PUM2: variants seen among roughly 807,000 people sequenced by gnomAD.
The protein encoded by PUM2 is pumilio RNA binding family member 2, also known as pumilio homolog 2.
A neutral mutation model predicts 124.5 loss-of-function variants in PUM2; 57 were observed. The observed-to-expected ratio is 0.46, with a 90% CI of 0.37 to 0.57. The LOEUF is 0.57. Among genes scored for constraint, PUM2 ranks in the 20% least tolerant of loss-of-function variants. PUM2 has a pLI of 0.00. For synonymous variants in PUM2, 460 were observed against 446.1 expected (o/e 1.03, Z -0.39); for missense variants, 1,065 against 1,290.6 (o/e 0.83, Z 2.68).
chr2:20,351,969 A>C (rs971654745), upstream of PUM2, among the ~76,000 whole-genome samples: 1 of 152,186 alleles, frequency 6.6e-6, no homozygotes. Flanking sequence ...CTCATATTTC[A>C]GGCTTCTAGA....
At chr2:20,259,061 T>C (rs1036026129) in intron 15 of PUM2, among the ~76,000 whole-genome samples, 2 of 152,166 alleles carry the variant, frequency 1.3e-5, no homozygotes, top group African/African-American at 2.4e-5. Context: ...TCTGATATGA[T>C]TGAGGAAAAA....
chr2:20,256,007 A>G, intron 17 of PUM2, 26 bp downstream of exon 17: 1 of 1,510,560 alleles, frequency 6.6e-7, no homozygotes, highest in South Asian at 1.3e-5. Context: ...CCTGCTAACA[A>G]ATTATAAGCC....
intron 20 of PUM2, 35 bp from the exon 21 acceptor site, chr2:20,251,751 T>C (rs1663400339): frequency 6.9e-6 from 11 of 1,599,904 alleles, no homozygotes; most frequent in Non-Finnish European, 9.4e-6. Context: ...AAAATCTAAG[T>C]CATTTTAGTT....
chr2:20,330,859 G>T lies in PUM2; in HGVS notation c.-18-3481C>A, dbSNP rs576262567. ...TGGCCCAAGCCCTCAATCTGTGTGT[G>T]AGAGCTGATGCTCTCTCCAGGGAGA... is the stretch of plus-strand genomic sequence containing the variant. On this transcript the variant is annotated intron_variant, in intron 1 of 20. Transcript: ENST00000361078. 1.8e-4 allele frequency among the ~76,000 whole-genome samples: 27 copies of T among 152,316 alleles called. No individual in the cohort carries two copies. The South Asian group carries it at 5.4e-3, about 30-fold the overall frequency.
intron 1 of PUM2, among the ~76,000 whole-genome samples, chr2:20,349,147 CAAATT>C (rs1447176686): frequency 6.6e-6 from 1 of 152,128 alleles, no homozygotes; most frequent in Non-Finnish European, 1.5e-5. Context: ...ACTTTGGACT[CAAATT>C]AAGGAAAGCA....
In PUM2 at chr2:20,253,882, G is replaced by A. The variant is rs1384168694; in HGVS notation, c.3003C>T (p.Tyr1001=). Residue 1001 remains tyrosine, a synonymous_variant, in exon 20 of 21, where the codon TAC becomes TAT. Coordinates refer to ENST00000361078, the MANE Select transcript of PUM2 (RefSeq NM_015317.5). ...YTMMKDQYAN[Y]VVQKMIDMAE... is the part of the protein sequence containing the mutation. ...CCATATCAATCATCTTTTGAACCAC[G>A]TAATTGGCATACTGGTCCTTCATCA... is the stretch of plus-strand genomic sequence containing the variant. 1.2e-5 allele frequency: 19 copies of A among 1,613,804 alleles called. No individual in the cohort carries two copies. Among genetic ancestry groups the A allele is most frequent in the South Asian group, 3.3e-5 (3 of 91,076 alleles).
chr2:20,251,905 T>TTC (rs1663455290), intron 20 of PUM2, among the ~76,000 whole-genome samples, 189 bp from the exon 21 acceptor site: 1 of 152,186 alleles, frequency 6.6e-6, no homozygotes, highest in Non-Finnish European at 1.5e-5. Context: ...TTCTCGAAAT[T>TTC]GTTCAATGAA....
intron 7 of PUM2, among the ~76,000 whole-genome samples, chr2:20,303,292 T>C (rs759437044): frequency 6.6e-6 from 1 of 152,152 alleles, no homozygotes; most frequent in Non-Finnish European, 1.5e-5. Context: ...TAGTTTTCCA[T>C]TAATTTTCTG....
intron 15 of PUM2, 121 bp from the exon 16 acceptor site, chr2:20,258,492 G>C (rs980163939): frequency 6.9e-6 from 6 of 875,770 alleles, no homozygotes; most frequent in Non-Finnish European, 1.0e-5. Flanking sequence ...GGGGCTTTAA[G>C]GTAGAAGCTA....
At chr2:20,259,079 A>T (rs897497634) in intron 15 of PUM2, among the ~76,000 whole-genome samples, 4 of 152,212 alleles carry the variant, frequency 2.6e-5, no homozygotes, top group Non-Finnish European at 5.9e-5. Flanking sequence ...AAAACTGTTA[A>T]AGTCATTAAG....
chr2:20,302,329 T>C (rs751478530), intron 7 of PUM2, among the ~76,000 whole-genome samples: 1 of 152,236 alleles, frequency 6.6e-6, no homozygotes, highest in African/African-American at 2.4e-5. Flanking sequence ...AAACAGGACA[T>C]TATCAAACAT....
At chr2:20,349,574 C>G (rs1227892848) in intron 1 of PUM2, among the ~76,000 whole-genome samples, 1 of 151,766 alleles carries the variant, frequency 6.6e-6, no homozygotes, top group Non-Finnish European at 1.5e-5. Flanking sequence ...CTCCAGGTCA[C>G]ATGGTGAAGA....
chr2:20,312,716 T>C (rs978968460), intron 3 of PUM2, among the ~76,000 whole-genome samples: 2 of 152,120 alleles, frequency 1.3e-5, no homozygotes, highest in Non-Finnish European at 2.9e-5. Context: ...TAGATAAAAT[T>C]ACTTTAAATT....
intron 7 of PUM2, among the ~76,000 whole-genome samples, chr2:20,305,192 A>G (rs1677916347): frequency 6.6e-6 from 1 of 152,186 alleles, no homozygotes; most frequent in Non-Finnish European, 1.5e-5. Context: ...GCATTAAAAT[A>G]AGAAAGAAAT....
At chr2:20,301,643 A>G (rs1321954035) in intron 7 of PUM2, among the ~76,000 whole-genome samples, 1 of 151,956 alleles carries the variant, frequency 6.6e-6, no homozygotes, top group Non-Finnish European at 1.5e-5. Context: ...CTTGGGGTGC[A>G]GTGGCATGAT....
At chr2:20,252,689 T>C (rs527693727) in intron 20 of PUM2, among the ~76,000 whole-genome samples, 2 of 152,334 alleles carry the variant, frequency 1.3e-5, no homozygotes, top group East Asian at 1.9e-4. Flanking sequence ...AGGAGGAGGA[T>C]ACAGAGAGGA....
In PUM2 at chr2:20,249,607, C is replaced by T. The variant is rs1662817295; in HGVS notation, c.*1978G>A. The T allele has an allele frequency of 6.6e-6, 1 of 152,636 alleles. No homozygotes were observed. Among genetic ancestry groups the T allele is most frequent in the Non-Finnish European group, 1.5e-5 (1 of 68,040 alleles). 9.5% of individuals were successfully genotyped at this position (152,636 alleles called of 1,614,324 possible). Reference sequence around the variant, plus strand: ...ATTTTTAGGTTCATAATATGAACAACTAAGTGATAAAACCTTTAGATTCCA... The same window carrying T: ...ATTTTTAGGTTCATAATATGAACAATTAAGTGATAAAACCTTTAGATTCCA... On this transcript the variant is annotated 3_prime_UTR_variant, in exon 21 of 21. Transcript: ENST00000361078.
chr2:20,276,822 T>C (rs1334171057), intron 13 of PUM2, among the ~76,000 whole-genome samples: 1 of 152,030 alleles, frequency 6.6e-6, no homozygotes, highest in African/African-American at 2.4e-5. Context: ...ACACAGGTAA[T>C]TGCTAATTCC....
chr2:20,284,677 C>T (rs1016852452), intron 10 of PUM2, among the ~76,000 whole-genome samples: 39 of 152,274 alleles, frequency 2.6e-4, no homozygotes, highest in African/African-American at 9.4e-4. Flanking sequence ...TACATTCCAA[C>T]ATCAATTTTT....
Sources: gnomAD v4.1 joint callset for allele counts (sites outside exome capture counted in the v4.1 genomes callset) on GRCh38, gnomAD v4.1.1 for gene constraint, MANE v1.5 for transcripts, NCBI Gene and HGNC (gene_info 2026-07-23, HGNC 2026-07-21) for gene names.